The following FAM180A variants were observed in gnomAD, a reference collection of about 807,000 sequenced individuals.
The protein encoded by FAM180A is family with sequence similarity 180 member A.
Under a neutral mutation model 15.3 loss-of-function variants are expected in FAM180A, and 14 were observed. That is an observed-to-expected ratio of 0.92 (90% CI 0.61 to 1.43). The LOEUF (loss-of-function observed/expected upper bound fraction) is 1.43, where lower values mean the gene tolerates loss of function less well. Among genes scored for constraint, FAM180A ranks in the 40% most tolerant of loss-of-function variants. The pLI is 0.00. For synonymous variants in FAM180A, 90 were observed against 96.8 expected, an observed-to-expected ratio of 0.93 and a Z score of 0.41; for missense variants, 200 against 220.8, an observed-to-expected ratio of 0.91 and a Z score of 0.60.
chr7:135,737,314 C>T (rs189701106), intron 1 of FAM180A, 115 bp from the exon 2 acceptor site: 21 of 784,434 alleles, frequency 2.7e-5, no homozygotes, highest in East Asian at 5.9e-5. Context: ...TGGCCAGGCA[C>T]GGTGGCTCAT....
intron 3 of FAM180A, among the ~76,000 whole-genome samples, chr7:135,732,418 C>T (rs954816242): frequency 4.6e-5 from 7 of 152,260 alleles, no homozygotes; most frequent in Middle Eastern, 6.8e-3. Flanking sequence ...CATGGTCGGG[C>T]GCAATGGCTC....
At chr7:135,737,605 AAAAG>A (rs1554482826) in intron 1 of FAM180A, among the ~76,000 whole-genome samples, 2 of 109,716 alleles carry the variant, frequency 1.8e-5, no homozygotes, top group Non-Finnish European at 3.4e-5. Context: ...AAAAAAAAAA[AAAAG>A]AAAGAAAAAA....
chr7:135,732,009 A>G (rs1796790303), intron 3 of FAM180A, among the ~76,000 whole-genome samples: 1 of 152,234 alleles, frequency 6.6e-6, no homozygotes, highest in African/African-American at 2.4e-5. Flanking sequence ...TCTCTGAGCT[A>G]ATGAGGAATC....
intron 1 of FAM180A, among the ~76,000 whole-genome samples, chr7:135,746,844 A>T (rs769339876): frequency 6.6e-6 from 1 of 152,236 alleles, no homozygotes; most frequent in Non-Finnish European, 1.5e-5. Flanking sequence ...TCATGCCTAT[A>T]ATCCCAGAAC....
At chr7:135,746,580 C>A (rs1345229876) in intron 1 of FAM180A, among the ~76,000 whole-genome samples, 1 of 152,150 alleles carries the variant, frequency 6.6e-6, no homozygotes, top group Non-Finnish European at 1.5e-5. Context: ...GTCAAATAAT[C>A]CCTTTTGGCT....
intron 2 of FAM180A, 100 bp downstream of exon 2, chr7:135,736,999 T>G: frequency 1.1e-6 from 1 of 900,184 alleles, no homozygotes; most frequent in Non-Finnish European, 1.8e-6. Flanking sequence ...GGGTCACTCA[T>G]GGTCAGGGGC....
chr7:135,735,660 T>C (rs1796859324), intron 2 of FAM180A, among the ~76,000 whole-genome samples: 1 of 152,188 alleles, frequency 6.6e-6, no homozygotes, highest in African/African-American at 2.4e-5. Flanking sequence ...ATTTGAAATC[T>C]CTCCCCCTGG....
chr7:135,737,041 TAGAG>T, intron 2 of FAM180A, 54 bp downstream of exon 2: 1 of 1,378,466 alleles, frequency 7.3e-7, no homozygotes, highest in Admixed American at 1.9e-5. Context: ...CCAAAAAAGA[TAGAG>T]AAAGTGCAGA....
intron 2 of FAM180A, among the ~76,000 whole-genome samples, chr7:135,736,518 C>A (rs1471659073): frequency 6.6e-6 from 1 of 152,214 alleles, no homozygotes; most frequent in Non-Finnish European, 1.5e-5. Flanking sequence ...AAGCTCAGAT[C>A]TTGAGCCTGG....
rs1018718767 is a variant in FAM180A at position 135,733,974 on chromosome 7, C to T, written c.*1G>A. 6.3e-7 allele frequency: 1 copy of T among 1,592,812 alleles called. No homozygotes were observed. On this transcript the variant is annotated 3_prime_UTR_variant, in exon 3 of 4. Transcript: ENST00000338588. ...CTGAGGTCCTGGTGTGGGCCAGTCT[C>T]TCAGGGAGGTACTCCCGGCTGTGAG...
intron 3 of FAM180A, among the ~76,000 whole-genome samples, chr7:135,731,896 A>G (rs1796788192): frequency 6.6e-6 from 1 of 152,228 alleles, no homozygotes; most frequent in African/African-American, 2.4e-5. Context: ...TACCCATTTC[A>G]GAATCAAATT....
intron 1 of FAM180A, among the ~76,000 whole-genome samples, chr7:135,739,181 G>A (rs897980964): frequency 6.6e-6 from 1 of 151,776 alleles, no homozygotes; most frequent in Admixed American, 6.6e-5. Context: ...ATGATGGTGC[G>A]TGCCTGTAAT....
chr7:135,733,642 C>T lies in FAM180A; in HGVS notation c.*329+4G>A, dbSNP rs1182889350. On this transcript the variant is annotated splice_donor_region_variant and intron_variant, in intron 3 of 3. Transcript: ENST00000338588. ...GATTACAGGCGTGAGCCTCTGTGCC[C>T]GGCCTGTTCTCACTCTTGAGTGTGT... 31 of 1,066,334 alleles carry T rather than the reference C, an allele frequency of 2.9e-5. No individual in the cohort carries two copies. In the East Asian group the frequency reaches 4.2e-4, roughly 15 times the overall value. The allele number at this position is 1,066,334 out of a possible 1,614,324, so 66.1% of individuals were successfully genotyped here.
intron 1 of FAM180A, among the ~76,000 whole-genome samples, chr7:135,743,437 G>A (rs996606320): frequency 2.0e-5 from 3 of 151,858 alleles, no homozygotes; most frequent in African/African-American, 7.3e-5. Context: ...GGCTGGTCTC[G>A]AACTCCTGGC....
Position 135,733,535 on chromosome 7 carries a change from T to C in FAM180A, c.*329+111A>G, listed in dbSNP as rs1246706187. On this transcript the variant is annotated intron_variant, in intron 3 of 3. Transcript: ENST00000338588. ...CTGATTTTTGTGATTTTAGTAGAGA[T>C]GGGTTTTCACTGTGTTGCCCAGGCT... The C allele has an allele frequency of 3.0e-5, 14 of 474,186 alleles. No homozygotes were observed. The East Asian group carries it at 2.1e-3, about 73-fold the overall frequency. The allele number at this position is 474,186 out of a possible 1,614,324, so 29.4% of individuals were successfully genotyped here. A position where few individuals can be genotyped will look rare whatever the true frequency, so the allele number is the denominator to read the frequency against.
intron 1 of FAM180A, among the ~76,000 whole-genome samples, chr7:135,741,426 G>A (rs1249856297): frequency 2.0e-5 from 3 of 151,680 alleles, no homozygotes; most frequent in Non-Finnish European, 4.4e-5. Flanking sequence ...TGAGGCAGGA[G>A]AATGGCGTGA....
At chr7:135,737,295 G>A (rs567175942) in intron 1 of FAM180A, 96 bp from the exon 2 acceptor site, 26 of 984,126 alleles carry the variant, frequency 2.6e-5, no homozygotes, top group South Asian at 2.2e-4. Flanking sequence ...TCTTAAAAAC[G>A]GACTGACTTG....
In FAM180A at chr7:135,737,093, G is replaced by T; in HGVS notation, c.177+6C>A. The T allele has an allele frequency of 6.2e-7, 1 of 1,605,744 alleles. No homozygotes were observed. The highest frequency in any genetic ancestry group is 8.5e-7 in the Non-Finnish European group (1 of 1,173,760). On this transcript the variant is annotated splice_donor_region_variant and intron_variant, in intron 2 of 3. Coordinates refer to ENST00000338588, the MANE Select transcript of FAM180A (RefSeq NM_205855.4). The stretch of plus-strand genomic sequence containing the variant: ...ACTTGGATTGAGCATGTTCCCCTCT[G>T]CCTACCTCGTAGAGCAGCTCCACCT...
chr7:135,743,121 C>T (rs1000439721), intron 1 of FAM180A, among the ~76,000 whole-genome samples: 15 of 152,032 alleles, frequency 9.9e-5, no homozygotes, highest in African/African-American at 3.6e-4. Flanking sequence ...CTTTTCAAAA[C>T]TCTGACTTTG....
Sources: allele counts gnomAD v4.1 joint callset (sites outside exome capture counted in the v4.1 genomes callset), GRCh38; gene constraint gnomAD v4.1.1; transcripts MANE v1.5; gene names NCBI Gene and HGNC (gene_info 2026-07-23, HGNC 2026-07-21).